Variants in IGF1R observed in about 807,000 individuals in gnomAD.
The protein encoded by IGF1R is insulin like growth factor 1 receptor, also known as insulin-like growth factor 1 receptor.
IGF1R carries 44 observed loss-of-function variants against 144.6 expected under a neutral mutation model. That is an observed-to-expected ratio of 0.30 (90% CI 0.24 to 0.39). The LOEUF is 0.39. Ranked by LOEUF, IGF1R falls within the 10% of genes least tolerant of loss-of-function variation. The probability of loss-of-function intolerance (pLI) is 1.00; values close to 1 mark genes in which losing one functional copy is unlikely to be tolerated. For missense variants in IGF1R, 1,355 were observed against 1,833.7 expected, an observed-to-expected ratio of 0.74 and a Z score of 4.77; for synonymous variants, 795 against 722.8, an observed-to-expected ratio of 1.10 and a Z score of -1.60.
At chr15:98,817,725 T>C (rs1473788485) in intron 2 of IGF1R, among the ~76,000 whole-genome samples, 1 of 152,176 alleles carries the variant, frequency 6.6e-6, no homozygotes, top group African/African-American at 2.4e-5. Flanking sequence ...ACAATAGACA[T>C]TGCAGCATTC....
At chr15:98,742,644 T>G (rs1418120107) in intron 2 of IGF1R, among the ~76,000 whole-genome samples, 1 of 152,234 alleles carries the variant, frequency 6.6e-6, no homozygotes, top group Non-Finnish European at 1.5e-5. Context: ...GAAGTTCACA[T>G]TTTAAATTTT....
At chr15:98,759,468 C>T (rs1222944515) in intron 2 of IGF1R, among the ~76,000 whole-genome samples, 2 of 152,224 alleles carry the variant, frequency 1.3e-5, no homozygotes, top group African/African-American at 4.8e-5. Flanking sequence ...GAAGTACCTT[C>T]CCCTGCATTA....
chr15:98,664,078 T>C (rs1446566868), intron 1 of IGF1R, among the ~76,000 whole-genome samples: 1 of 152,224 alleles, frequency 6.6e-6, no homozygotes, highest in African/African-American at 2.4e-5. Flanking sequence ...AGAGACTTCC[T>C]GGGAGGGTGG....
intron 2 of IGF1R, among the ~76,000 whole-genome samples, chr15:98,795,403 T>TTTTTTTTTTG (rs138007649): frequency 1.3e-5 from 2 of 151,362 alleles, no homozygotes; most frequent in African/African-American, 4.9e-5. Flanking sequence ...TCTTTCTTGT[T>TTTTTTTTTTG]TTTTGTTTTG....
intron 4 of IGF1R, among the ~76,000 whole-genome samples, chr15:98,897,647 G>A (rs964308930): frequency 6.6e-6 from 1 of 152,190 alleles, no homozygotes; most frequent in Non-Finnish European, 1.5e-5. Context: ...CATAATCATA[G>A]CTCACTGTAA....
chr15:98,856,072 G>T (rs1166376177), intron 2 of IGF1R, among the ~76,000 whole-genome samples: 14 of 152,180 alleles, frequency 9.2e-5, no homozygotes, highest in Admixed American at 8.5e-4. Flanking sequence ...GCTGAGCTGT[G>T]CCTGCTTCTG....
chr15:98,728,007 G>GTTTTTTTTTTTTTTTTTTTT (rs10680958), intron 2 of IGF1R, among the ~76,000 whole-genome samples: 1 of 108,750 alleles, frequency 9.2e-6, no homozygotes, highest in Non-Finnish European at 1.8e-5. Flanking sequence ...AAGATGCATT[G>GTTTTTTTTTTTTTTTTTTTT]TTTTTTTTTT....
intron 2 of IGF1R, among the ~76,000 whole-genome samples, chr15:98,817,283 C>A (rs1288743693): frequency 1.3e-5 from 2 of 149,234 alleles, no homozygotes; most frequent in Non-Finnish European, 3.0e-5. Context: ...GACTGGGCAG[C>A]AGAGCGAGAA....
intron 2 of IGF1R, among the ~76,000 whole-genome samples, chr15:98,758,432 C>A (rs2055211837): frequency 6.6e-6 from 1 of 152,070 alleles, no homozygotes; most frequent in African/African-American, 2.4e-5. Context: ...TCAGCCGTCA[C>A]ACAAGTCATG....
chr15:98,925,092 G>A (rs1385399136), intron 13 of IGF1R, among the ~76,000 whole-genome samples: 2 of 152,086 alleles, frequency 1.3e-5, no homozygotes, highest in Non-Finnish European at 2.9e-5. Context: ...CTCGGATTCA[G>A]GGCTTGAAAT....
intron 2 of IGF1R, among the ~76,000 whole-genome samples, chr15:98,742,992 G>C (rs780408037): frequency 6.6e-5 from 10 of 152,184 alleles, no homozygotes; most frequent in Non-Finnish European, 1.0e-4. Flanking sequence ...AGCCAAGATT[G>C]TGTCATTGCA....
At chr15:98,839,778 G>C (rs1431225180) in intron 2 of IGF1R, among the ~76,000 whole-genome samples, 2 of 152,166 alleles carry the variant, frequency 1.3e-5, no homozygotes, top group African/African-American at 4.8e-5. Flanking sequence ...CTACATGGTA[G>C]AGTGGTGCTC....
intron 19 of IGF1R, among the ~76,000 whole-genome samples, chr15:98,946,553 A>C (rs1183088131): frequency 6.6e-6 from 1 of 152,130 alleles, no homozygotes; most frequent in Non-Finnish European, 1.5e-5. Flanking sequence ...CAGACCTTGG[A>C]CAGATGTGAG....
chr15:98,856,643 T>G (rs1162365714), intron 2 of IGF1R, among the ~76,000 whole-genome samples: 1 of 152,238 alleles, frequency 6.6e-6, no homozygotes, highest in East Asian at 1.9e-4. Flanking sequence ...TGGATTGCTA[T>G]CCAAATATAA....
At position 98,649,562 on chromosome 15, in the gene IGF1R, T is replaced by G; in HGVS notation, c.-20T>G. 2 of 1,183,250 alleles carry G rather than the reference T, an allele frequency of 1.7e-6. No homozygotes were observed. The highest frequency in any genetic ancestry group is 2.5e-6 in the Non-Finnish European group (2 of 804,236). 73.3% of individuals were successfully genotyped at this position (1,183,250 alleles called of 1,614,324 possible). On this transcript the variant is annotated 5_prime_UTR_variant, in exon 1 of 21. Coordinates refer to ENST00000650285, the MANE Select transcript of IGF1R (RefSeq NM_000875.5). ...TTTTTTTTTTTTTGAGAAAGGGGAA[T>G]TTCATCCCAAATAAAAGGAATGAAG...
chr15:98,657,079 A>G (rs1461837077), intron 1 of IGF1R, among the ~76,000 whole-genome samples: 4 of 152,226 alleles, frequency 2.6e-5, no homozygotes, highest in Admixed American at 6.5e-5. Context: ...CCTCTGCTGT[A>G]AAAAATATAG....
rs373289945 is a variant in IGF1R, at chr15:98,859,517, A to C, written c.641-31808A>C. On this transcript the variant is annotated intron_variant, in intron 2 of 20. Transcript: ENST00000650285. ...TTAAAATGAAACTTTCCAGTTCGTA[A>C]GCTTTGCCCTCAAGAAGGGAAAGAA... 3.2e-4 allele frequency among the ~76,000 whole-genome samples: 48 copies of C among 152,364 alleles called. 1 individual carries two copies. The highest frequency in any genetic ancestry group is 2.7e-3 in the South Asian group (13 of 4,830).
At chr15:98,805,838 C>G (rs2056459970) in intron 2 of IGF1R, among the ~76,000 whole-genome samples, 2 of 152,134 alleles carry the variant, frequency 1.3e-5, no homozygotes, top group Admixed American at 6.5e-5. Flanking sequence ...TTTTGCCATA[C>G]CAACAACCAG....
At position 98,962,326 on chromosome 15, in the gene IGF1R, G is replaced by A. The variant is rs1167550955; in HGVS notation, c.*4884G>A. ...TTCAAGTTTGGGGTTTGTTCTTTTCGTTAATGTTCCTCTGTGTTGTCAGCT... is the reference window on the plus strand; with the variant it reads ...TTCAAGTTTGGGGTTTGTTCTTTTCATTAATGTTCCTCTGTGTTGTCAGCT... On this transcript the variant is annotated 3_prime_UTR_variant, in exon 21 of 21. Coordinates refer to ENST00000650285, the MANE Select transcript of IGF1R (RefSeq NM_000875.5). 1.3e-5 allele frequency: 3 copies of A among 233,328 alleles called. No homozygotes were observed. The highest frequency in any genetic ancestry group is 2.2e-5 in the African/African-American group (1 of 45,328). 14.5% of individuals were successfully genotyped at this position (233,328 alleles called of 1,614,324 possible).
Sources: allele counts gnomAD v4.1 joint callset (sites outside exome capture counted in the v4.1 genomes callset), GRCh38; gene constraint gnomAD v4.1.1; transcripts MANE v1.5; gene names NCBI Gene and HGNC (gene_info 2026-07-23, HGNC 2026-07-21).